The following TBC1D32 variants were observed in gnomAD, a reference collection of about 807,000 sequenced individuals.
The protein encoded by TBC1D32 is TBC1 domain family member 32.
A neutral mutation model predicts 170.3 loss-of-function variants in TBC1D32; 151 were observed. The observed-to-expected ratio is 0.89, with a 90% CI of 0.78 to 1.01. The LOEUF (loss-of-function observed/expected upper bound fraction) is 1.01, where lower values mean the gene tolerates loss of function less well. Among genes scored for constraint, TBC1D32 ranks in the 50% least tolerant of loss-of-function variants. TBC1D32 has a pLI of 0.00. For synonymous variants in TBC1D32, 498 were observed against 488.0 expected, an observed-to-expected ratio of 1.02 and a Z score of -0.27; for missense variants, 1,464 against 1,457.1, an observed-to-expected ratio of 1.00 and a Z score of -0.08.
At chr6:121,270,701 A>G (rs1801269675) in intron 15 of TBC1D32, among the ~76,000 whole-genome samples, 2 of 152,160 alleles carry the variant, frequency 1.3e-5, no homozygotes, top group Admixed American at 1.3e-4. Context: ...AGCTGGTACC[A>G]TTACTTCTGA....
chr6:121,159,895 C>A, intron 24 of TBC1D32, 115 bp downstream of exon 24: 1 of 639,620 alleles, frequency 1.6e-6, no homozygotes, highest in Non-Finnish European at 2.6e-6. Context: ...GGCATAAATG[C>A]ACACATGTAT....
intron 26 of TBC1D32, among the ~76,000 whole-genome samples, chr6:121,118,827 T>C (rs1779953155): frequency 2.6e-5 from 4 of 152,174 alleles, no homozygotes; most frequent in African/African-American, 9.6e-5. Flanking sequence ...TGTAATTGTA[T>C]CCATGCATTT....
intron 15 of TBC1D32, among the ~76,000 whole-genome samples, chr6:121,276,272 G>T (rs949449227): frequency 2.0e-5 from 3 of 152,136 alleles, no homozygotes; most frequent in South Asian, 2.1e-4. Flanking sequence ...GGGAGGAAAT[G>T]ACTTCTTATA....
chr6:121,250,017 C>G (rs1395027785), intron 17 of TBC1D32, among the ~76,000 whole-genome samples: 1 of 151,966 alleles, frequency 6.6e-6, no homozygotes, highest in Admixed American at 6.5e-5. Context: ...AAAGAGCCCA[C>G]ACAGCCAAAG....
At chr6:121,210,015 G>A (rs1365137366) in intron 21 of TBC1D32, among the ~76,000 whole-genome samples, 1 of 152,148 alleles carries the variant, frequency 6.6e-6, no homozygotes, top group Non-Finnish European at 1.5e-5. Context: ...GAAACTGAAA[G>A]CAATTAAAAA....
At chr6:121,221,961 A>G (rs1794574906) in intron 21 of TBC1D32, among the ~76,000 whole-genome samples, 1 of 152,252 alleles carries the variant, frequency 6.6e-6, no homozygotes, top group African/African-American at 2.4e-5. Context: ...CAAATACTTC[A>G]GAGAAATATT....
At chr6:121,224,395 C>T (rs915866625) in intron 20 of TBC1D32, 1 of 151,982 alleles carries the variant, frequency 6.6e-6, no homozygotes, top group Admixed American at 6.6e-5. Flanking sequence ...TTTACATTTT[C>T]TAAAAATTTT....
At chr6:121,239,461 C>A (rs1240102584) in intron 19 of TBC1D32, among the ~76,000 whole-genome samples, 1 of 152,086 alleles carries the variant, frequency 6.6e-6, no homozygotes, top group Non-Finnish European at 1.5e-5. Flanking sequence ...CCAGCTTCTT[C>A]ACTTTGGCCT....
intron 29 of TBC1D32, among the ~76,000 whole-genome samples, chr6:121,108,384 C>T (rs898941736): frequency 6.6e-6 from 1 of 151,984 alleles, no homozygotes; most frequent in African/African-American, 2.4e-5. Flanking sequence ...TTACCACTCT[C>T]TGAAAAGACA....
chr6:121,113,386 GAAC>G (rs754694101), intron 27 of TBC1D32, among the ~76,000 whole-genome samples: 14 of 152,304 alleles, frequency 9.2e-5, no homozygotes, highest in Non-Finnish European at 1.5e-4. Flanking sequence ...AGTAATGAGA[GAAC>G]AACATGATGA....
chr6:121,308,451 A>G lies in TBC1D32; in HGVS notation c.565-350T>C, dbSNP rs561173947. ...TTGTCCTACAGGCTTTCCCTATTCT[A>G]GGCCGTTCCTACAGTTTGAGGGCTT... is the stretch of plus-strand genomic sequence containing the variant. On this transcript the variant is annotated intron_variant, in intron 4 of 31. Transcript: ENST00000398212. 5.9e-5 allele frequency among the ~76,000 whole-genome samples: 9 copies of G among 151,968 alleles called. 2 individuals are homozygous for G. The highest frequency in any genetic ancestry group is 1.3e-4 in the Admixed American group (2 of 15,258).
intron 15 of TBC1D32, among the ~76,000 whole-genome samples, chr6:121,268,428 G>T (rs1403044857): frequency 6.6e-6 from 1 of 152,104 alleles, no homozygotes; most frequent in Non-Finnish European, 1.5e-5. Context: ...TGACCTGATG[G>T]AACTGAAAAC....
At chr6:121,225,159 G>A (rs1015056169) in intron 20 of TBC1D32, among the ~76,000 whole-genome samples, 14 of 151,962 alleles carry the variant, frequency 9.2e-5, no homozygotes, top group African/African-American at 2.9e-4. Flanking sequence ...AGGGTTCATA[G>A]TCACCTAGGA....
intron 31 of TBC1D32, among the ~76,000 whole-genome samples, chr6:121,090,087 C>T (rs1447257158): frequency 3.9e-5 from 6 of 152,124 alleles, no homozygotes; most frequent in Non-Finnish European, 8.8e-5. Context: ...CGCCCGCCAA[C>T]ACAGCCAGCT....
chr6:121,256,280 G>A lies in TBC1D32; in HGVS notation c.1739C>T (p.Thr580Ile), dbSNP rs755841235. The change falls in exon 16 of 32, where the codon ACA (threonine) becomes ATA (isoleucine). Residue 580 changes from threonine to isoleucine, a missense_variant. Coordinates refer to ENST00000398212, the MANE Select transcript of TBC1D32 (RefSeq NM_152730.6). ...AAACTGGGCAATTATATGAGCACCT[G>A]TAGGACTAAAAGATGATACCTGAAA... ...ANMNSSEESP[T>I]GAHIIAQFSK... is the part of the protein sequence containing the mutation. 1.2e-5 allele frequency: 19 copies of A among 1,608,998 alleles called. No homozygotes were observed. The highest frequency in any genetic ancestry group is 1.4e-5 in the Non-Finnish European group (17 of 1,177,868).
intron 24 of TBC1D32, among the ~76,000 whole-genome samples, chr6:121,144,615 CAT>C (rs1783186041): frequency 6.6e-6 from 1 of 151,980 alleles, no homozygotes; most frequent in Non-Finnish European, 1.5e-5. Flanking sequence ...TTATCTGAGA[CAT>C]GTTAAGTTTG....
At chr6:121,330,729 T>C (rs1220234605) in intron 1 of TBC1D32, among the ~76,000 whole-genome samples, 1 of 152,142 alleles carries the variant, frequency 6.6e-6, no homozygotes, top group Non-Finnish European at 1.5e-5. Context: ...TCATCTGTGG[T>C]GGGGACTAAG....
chr6:121,123,086 G>T (rs989575012), intron 26 of TBC1D32, among the ~76,000 whole-genome samples: 2 of 152,042 alleles, frequency 1.3e-5, no homozygotes, highest in African/African-American at 2.4e-5. Flanking sequence ...AACTAAAAAG[G>T]TTATTATGAC....
chr6:121,202,056 T>C (rs1791637543), intron 22 of TBC1D32, among the ~76,000 whole-genome samples: 2 of 151,090 alleles, frequency 1.3e-5, no homozygotes, highest in South Asian at 2.1e-4. Context: ...AATGTATAAA[T>C]TGAGATGTCA....
Sources: gnomAD v4.1 joint callset for allele counts (sites outside exome capture counted in the v4.1 genomes callset) on GRCh38, gnomAD v4.1.1 for gene constraint, MANE v1.5 for transcripts, NCBI Gene and HGNC (gene_info 2026-07-23, HGNC 2026-07-21) for gene names.